ANAPC10: variants seen among roughly 807,000 people sequenced by gnomAD.
ANAPC10 encodes anaphase promoting complex subunit 10.
A neutral mutation model predicts 22.0 loss-of-function variants in ANAPC10; 12 were observed. The observed-to-expected ratio is 0.55, with a 90% CI of 0.35 to 0.88. The LOEUF (loss-of-function observed/expected upper bound fraction) is 0.88. Ranked by LOEUF, ANAPC10 falls within the 40% of genes least tolerant of loss-of-function variation. The pLI, the probability that ANAPC10 is intolerant of heterozygous loss-of-function variation, is 0.01. For synonymous variants in ANAPC10, 65 were observed against 69.5 expected, an observed-to-expected ratio of 0.94 and a Z score of 0.32; for missense variants, 188 against 220.9, an observed-to-expected ratio of 0.85 and a Z score of 0.94.
intron 4 of ANAPC10, among the ~76,000 whole-genome samples, chr4:145,002,878 T>G (rs1328691223): frequency 3.3e-5 from 4 of 121,310 alleles, no homozygotes; most frequent in Admixed American, 1.9e-4. Flanking sequence ...CTAACTTTTA[T>G]TTTAGGTTCA....
intron 4 of ANAPC10, among the ~76,000 whole-genome samples, chr4:145,002,986 T>C (rs1024032302): frequency 2.6e-5 from 4 of 152,142 alleles, no homozygotes; most frequent in Non-Finnish European, 5.9e-5. Context: ...TAATACCCGA[T>C]AGGTAGTTTT....
intron 3 of ANAPC10, among the ~76,000 whole-genome samples, chr4:145,066,320 A>G (rs192133104): frequency 6.6e-6 from 1 of 152,244 alleles, no homozygotes; most frequent in East Asian, 1.9e-4. Flanking sequence ...AAGGTATCAA[A>G]CTGACATCTT....
At chr4:145,012,456 G>C (rs1333792341) in intron 4 of ANAPC10, among the ~76,000 whole-genome samples, 1 of 151,850 alleles carries the variant, frequency 6.6e-6, no homozygotes, top group Non-Finnish European at 1.5e-5. Context: ...TTTCATCTGA[G>C]AATTAGAATA....
At chr4:145,059,108 T>C (rs1329352765) in intron 4 of ANAPC10, among the ~76,000 whole-genome samples, 1 of 152,172 alleles carries the variant, frequency 6.6e-6, no homozygotes, top group Non-Finnish European at 1.5e-5. Flanking sequence ...CATTCCACTT[T>C]ATATCAAATT....
At chr4:145,097,177 G>T in intron 1 of ANAPC10, 1 of 292,370 alleles carries the variant, frequency 3.4e-6, no homozygotes. Context: ...ACTCCAGCCT[G>T]CGTAACAGAG....
At chr4:145,068,633 C>T (rs754826554) in intron 3 of ANAPC10, among the ~76,000 whole-genome samples, 3 of 152,090 alleles carry the variant, frequency 2.0e-5, no homozygotes, top group Non-Finnish European at 2.9e-5. Context: ...AAATGGGGGC[C>T]GGGTGCAGTG....
chr4:145,075,246 G>T (rs1745029763), intron 3 of ANAPC10, among the ~76,000 whole-genome samples: 1 of 152,072 alleles, frequency 6.6e-6, no homozygotes, highest in Non-Finnish European at 1.5e-5. Flanking sequence ...CACACTTCTG[G>T]CTTTGTCCTC....
chr4:145,059,644 T>A (rs1011780659), intron 4 of ANAPC10, among the ~76,000 whole-genome samples: 1 of 152,136 alleles, frequency 6.6e-6, no homozygotes. Flanking sequence ...AGAAATAATT[T>A]GAGAACTGTC....
At chr4:145,081,823 A>C in intron 2 of ANAPC10, 73 bp from the exon 3 acceptor site, 1 of 1,035,508 alleles carries the variant, frequency 9.7e-7, no homozygotes, top group Non-Finnish European at 1.5e-6. Context: ...TAAAATTAAC[A>C]TATGTATTTG....
intron 4 of ANAPC10, among the ~76,000 whole-genome samples, chr4:144,997,767 T>A (rs567705140): frequency 6.6e-6 from 1 of 152,156 alleles, no homozygotes; most frequent in African/African-American, 2.4e-5. Flanking sequence ...AATGCTCCAA[T>A]TGAAAGACAC....
intron 3 of ANAPC10, among the ~76,000 whole-genome samples, chr4:145,066,841 C>T (rs1169293339): frequency 6.6e-6 from 1 of 151,716 alleles, no homozygotes; most frequent in Admixed American, 6.6e-5. Context: ...TAGGAGGGAA[C>T]AGTTGAAATT....
At chr4:145,086,670 G>T (rs1408468012) in intron 2 of ANAPC10, among the ~76,000 whole-genome samples, 1 of 152,018 alleles carries the variant, frequency 6.6e-6, no homozygotes, top group East Asian at 1.9e-4. Context: ...TCTTTGTTCA[G>T]TACAGGGGAT....
intron 2 of ANAPC10, among the ~76,000 whole-genome samples, chr4:145,087,395 T>C (rs1196170786): frequency 6.6e-6 from 1 of 152,136 alleles, no homozygotes; most frequent in Non-Finnish European, 1.5e-5. Context: ...CTCATTCTGT[T>C]GCCCTGGCTG....
intron 4 of ANAPC10, among the ~76,000 whole-genome samples, chr4:145,034,750 AGGC>A (rs1221852950): frequency 1.3e-5 from 2 of 151,900 alleles, no homozygotes; most frequent in African/African-American, 4.8e-5. Flanking sequence ...CAGGGAAGGA[AGGC>A]AGGCTGGGTG....
chr4:145,018,738 T>C (rs1735580874), intron 4 of ANAPC10, among the ~76,000 whole-genome samples: 1 of 151,070 alleles, frequency 6.6e-6, no homozygotes, highest in Non-Finnish European at 1.5e-5. Context: ...AAACTTAAAG[T>C]AAAGGAGTGG....
At chr4:145,009,404 C>G (rs184630723) in intron 4 of ANAPC10, among the ~76,000 whole-genome samples, 20 of 152,116 alleles carry the variant, frequency 1.3e-4, no homozygotes, top group East Asian at 9.7e-4. Context: ...AACAAAGCTG[C>G]AGGCATCACG....
intron 3 of ANAPC10, among the ~76,000 whole-genome samples, chr4:145,070,401 A>G (rs1744322516): frequency 1.3e-5 from 2 of 152,226 alleles, no homozygotes; most frequent in Non-Finnish European, 2.9e-5. Context: ...ACAAATAACC[A>G]GGAAGCACAT....
chr4:145,012,304 C>T (rs971430563), intron 4 of ANAPC10, among the ~76,000 whole-genome samples: 6 of 151,064 alleles, frequency 4.0e-5, no homozygotes, highest in African/African-American at 1.5e-4. Context: ...AATATTGTCA[C>T]TTGAACATGT....
At position 145,031,041 on chromosome 4, in the gene ANAPC10, C is replaced by T. The variant is rs148175169; in HGVS notation, c.327+33531G>A. On this transcript the variant is annotated intron_variant, in intron 4 of 4. Coordinates refer to ENST00000507656, the MANE Select transcript of ANAPC10 (RefSeq NM_001256706.2). ...ATATCCCCTGGTATCTGGTATCCAA[C>T]CATTGACTTGGCAAATGCCTTTTTC... is the stretch of plus-strand genomic sequence containing the variant. Among the ~76,000 whole-genome samples, 122 of 152,282 alleles carry T rather than the reference C, an allele frequency of 8.0e-4. 1 individual carries two copies. Among genetic ancestry groups the T allele is most frequent in the African/African-American group, 2.9e-3 (121 of 41,554 alleles).
Sources: gnomAD v4.1 joint callset for allele counts (sites outside exome capture counted in the v4.1 genomes callset) on GRCh38, gnomAD v4.1.1 for gene constraint, MANE v1.5 for transcripts, NCBI Gene and HGNC (gene_info 2026-07-23, HGNC 2026-07-21) for gene names.